The following DIDO1 variants were observed in gnomAD, a reference collection of about 807,000 sequenced individuals.
The protein encoded by DIDO1 is death-inducer obliterator 1.
Under a neutral mutation model 99.4 loss-of-function variants are expected in DIDO1, and 16 were observed. The observed-to-expected ratio is 0.16, with a 90% confidence interval of 0.11 to 0.24. The LOEUF (loss-of-function observed/expected upper bound fraction) is 0.24, where lower values mean the gene tolerates loss of function less well. DIDO1 is among the 10% of genes least tolerant of loss of function. The probability of loss-of-function intolerance (pLI) is 1.00; values close to 1 mark genes in which losing one functional copy is unlikely to be tolerated. For synonymous variants in DIDO1, 1,366 were observed against 1,239.1 expected (o/e 1.10, Z -2.15); for missense variants, 2,996 against 3,014.0 (o/e 0.99, Z 0.14).
intron 1 of DIDO1, among the ~76,000 whole-genome samples, chr20:62,923,315 A>C (rs1159001706): frequency 6.6e-6 from 1 of 152,022 alleles, no homozygotes; most frequent in Non-Finnish European, 1.5e-5. Flanking sequence ...AGCTGGGATT[A>C]CAGGCACGTA....
At chr20:62,918,108 C>A (rs991561377) in intron 1 of DIDO1, among the ~76,000 whole-genome samples, 13 of 152,196 alleles carry the variant, frequency 8.5e-5, no homozygotes, top group Non-Finnish European at 1.5e-4. Context: ...TCAGATTCCC[C>A]AACTCACCAA....
At position 62,889,512 on chromosome 20, in the gene DIDO1, C is replaced by T. The variant is rs962456867; in HGVS notation, c.3541+1448G>A. The T allele has an allele frequency of 1.4e-5, 14 of 985,468 alleles. No individual in the cohort carries two copies. In the African/African-American group the frequency reaches 2.3e-4, roughly 16 times the overall value. The allele number at this position is 985,468 out of a possible 1,614,324, so 61.0% of individuals were successfully genotyped here. ...TTCTGTAAAGAAAAAGTGCTCTTTC[C>T]ACCCCGGTAGGGAGGTGCTGAGGTG... On this transcript the variant is annotated intron_variant, in intron 15 of 15. Transcript: ENST00000395343.
rs573562969 is a variant in DIDO1, at chr20:62,894,714, T to A, written c.2436+96A>T. 38 of 1,424,182 alleles carry A rather than the reference T, an allele frequency of 2.7e-5. No homozygotes were observed. Among genetic ancestry groups the A allele is most frequent in the Non-Finnish European group, 1.9e-6 (2 of 1,058,400 alleles). 88.2% of individuals were successfully genotyped at this position (1,424,182 alleles called of 1,614,324 possible). A position where few individuals can be genotyped will look rare whatever the true frequency, so the allele number is the denominator to read the frequency against. On this transcript the variant is annotated intron_variant, in intron 10 of 15. Coordinates refer to ENST00000395343, the MANE Select transcript of DIDO1 (RefSeq NM_001193369.2). This position sits in a 1 kb window ranked among gnomAD's most constrained non-coding sequence, Gnocchi z 4.4. ...ATGCCACAATGACATACACCTGCTG[T>A]AAGCTCAGGTCCTGCCCAATAATTT...
intron 6 of DIDO1, among the ~76,000 whole-genome samples, chr20:62,904,714 A>G (rs2064759287): frequency 7.2e-6 from 1 of 137,932 alleles, no homozygotes; most frequent in Non-Finnish European, 1.5e-5. Context: ...CCGGAGGTGG[A>G]GCTTGCAGTG....
At chr20:62,902,978 A>G (rs1476105676) in intron 6 of DIDO1, among the ~76,000 whole-genome samples, 1 of 152,354 alleles carries the variant, frequency 6.6e-6, no homozygotes, top group African/African-American at 2.4e-5. Context: ...TCAGTCAGGT[A>G]CATCTCAGAA....
chr20:62,911,430 C>G lies in DIDO1; in HGVS notation c.183G>C (p.Leu61=). Residue 61 remains leucine, a synonymous_variant, in exon 3 of 16, where the codon CTG becomes CTC. Transcript: ENST00000395343. This position sits in a 1 kb window ranked among gnomAD's most constrained non-coding sequence, Gnocchi z 7.0. ...GCTTGGGCTGCCTCCCACTGCGCCG[C>G]AGGGACAGGCCCAGCTGCTGCTGTG... ...PPPQQQLGLS[L]RRSGRQPKRT... 1 of 1,611,684 alleles carries G rather than the reference C, an allele frequency of 6.2e-7. No homozygotes were observed. The highest frequency in any genetic ancestry group is 1.1e-5 in the South Asian group (1 of 90,828).
At chr20:62,928,091 G>A (rs1192134014), upstream of DIDO1, among the ~76,000 whole-genome samples, 1 of 152,160 alleles carries the variant, frequency 6.6e-6, no homozygotes, top group Non-Finnish European at 1.5e-5. Flanking sequence ...ACTGGTATGG[G>A]GGAACCTCAG....
upstream of DIDO1, among the ~76,000 whole-genome samples, chr20:62,930,385 G>A (rs2065321185): frequency 6.6e-6 from 1 of 152,210 alleles, no homozygotes; most frequent in African/African-American, 2.4e-5. Flanking sequence ...GAGCATGGAC[G>A]ATAGTGGGTA....
chr20:62,885,158 T>C (rs1400883591), intron 15 of DIDO1, among the ~76,000 whole-genome samples: 1 of 152,248 alleles, frequency 6.6e-6, no homozygotes, highest in East Asian at 1.9e-4. Flanking sequence ...AGGCTCAGGC[T>C]GAGTTCTGTA....
chr20:62,921,471 G>C (rs1024847928), intron 1 of DIDO1, among the ~76,000 whole-genome samples: 1 of 152,088 alleles, frequency 6.6e-6, no homozygotes, highest in African/African-American at 2.4e-5. Context: ...ACTTTTTCCA[G>C]ACACCCTGTC....
intron 13 of DIDO1, 36 bp from the exon 14 acceptor site, chr20:62,892,112 C>T: frequency 2.5e-6 from 4 of 1,571,390 alleles, no homozygotes; most frequent in African/African-American, 1.4e-5. Flanking sequence ...TCACTTTGAA[C>T]TGTAGTAGTC....
chr20:62,882,110 T>G lies in DIDO1; in HGVS notation c.3846A>C (p.Ala1282=), dbSNP rs762558487. ...VLKVLSSLKP[A]APSPATAATT... The stretch of plus-strand genomic sequence containing the variant: ...TGGCTGCTGTGGCTGGGCTGGGGGC[T>G]GCAGGTTTGAGGGATGACAGCACTT... Residue 1282 remains alanine (A), a synonymous_variant, in exon 16 of 16, where the codon GCA becomes GCC. Coordinates refer to ENST00000395343, the MANE Select transcript of DIDO1 (RefSeq NM_001193369.2). 1.2e-6 allele frequency: 2 copies of G among 1,613,128 alleles called. No individual in the cohort carries two copies. Among genetic ancestry groups the G allele is most frequent in the East Asian group, 4.5e-5 (2 of 44,892 alleles).
At chr20:62,909,488 T>C (rs1166433198) in intron 4 of DIDO1, among the ~76,000 whole-genome samples, 2 of 152,232 alleles carry the variant, frequency 1.3e-5, no homozygotes, top group Non-Finnish European at 1.5e-5. Flanking sequence ...GATGGGCTGA[T>C]TTCAACAATT....
At chr20:62,888,764 T>C (rs779860023) in intron 15 of DIDO1, 22 of 985,410 alleles carry the variant, frequency 2.2e-5, no homozygotes, top group Non-Finnish European at 2.7e-5. Flanking sequence ...AATCAGTACG[T>C]GAAGCGGGCC....
chr20:62,885,859 T>C (rs1008376874), intron 15 of DIDO1, among the ~76,000 whole-genome samples: 12 of 152,226 alleles, frequency 7.9e-5, no homozygotes, highest in African/African-American at 2.9e-4. Context: ...CATCTTCCCC[T>C]GGAGGAAAGG....
Position 62,896,231 on chromosome 20 carries a change from A to C in DIDO1, c.2214+2T>G. ...TCCAATGCACCGACACCAGGCACAC[A>C]CCTGATTTTTAGGGTCCTTCAGGTT... is the stretch of plus-strand genomic sequence containing the variant. On this transcript the variant is annotated splice_donor_variant, in intron 8 of 15. Transcript: ENST00000395343. LOFTEE classifies it high-confidence loss of function. This position sits in a 1 kb window ranked among gnomAD's most constrained non-coding sequence, Gnocchi z 4.4. The C allele has an allele frequency of 6.2e-7, 1 of 1,612,822 alleles. No homozygotes were observed. The highest frequency in any genetic ancestry group is 8.5e-7 in the Non-Finnish European group (1 of 1,179,554).
At chr20:62,909,634 C>G (rs1019189710) in intron 4 of DIDO1, 65 bp downstream of exon 4, 15 of 1,575,826 alleles carry the variant, frequency 9.5e-6, no homozygotes, top group Admixed American at 5.2e-5. Flanking sequence ...GAATTTCTAT[C>G]TAGAGCGAGA....
intron 1 of DIDO1, among the ~76,000 whole-genome samples, chr20:62,937,048 C>A (rs1187041988): frequency 2.6e-5 from 4 of 152,192 alleles, no homozygotes; most frequent in Non-Finnish European, 5.9e-5. Context: ...ACCTATTTGC[C>A]GAACTGGACT....
At position 62,896,590 on chromosome 20, in the gene DIDO1, C is replaced by T. The variant is rs769923807; in HGVS notation, c.1995G>A (p.Gln665=). Residue 665 remains glutamine (Q), a synonymous_variant, in exon 7 of 16, where the codon CAG becomes CAA. Coordinates refer to ENST00000395343, the MANE Select transcript of DIDO1 (RefSeq NM_001193369.2). This position sits in a 1 kb window ranked among gnomAD's most constrained non-coding sequence, Gnocchi z 4.4. ...TATTTTGCCGAATTTGTGAATTTGG[C>T]TGCGATGGTGCAGCACTCATAGCCC... ...RLGAMSAAPS[Q]PNSQIRQNIR... is the part of the protein sequence containing the mutation. 6.3e-7 allele frequency: 1 copy of T among 1,598,362 alleles called. No homozygotes were observed. Among genetic ancestry groups the T allele is most frequent in the Non-Finnish European group, 8.5e-7 (1 of 1,173,626 alleles).
Sources: gnomAD v4.1 joint callset for allele counts (sites outside exome capture counted in the v4.1 genomes callset) on GRCh38, gnomAD v4.1.1 for gene constraint, Gnocchi (gnomAD v3.1) non-coding constraint, MANE v1.5 for transcripts, NCBI Gene and HGNC (gene_info 2026-07-23, HGNC 2026-07-21) for gene names.